The following TLK1 variants were observed in gnomAD, a reference collection of about 807,000 sequenced individuals.
The protein encoded by TLK1 is tousled like kinase 1.
In TLK1, 24 loss-of-function variants were observed where a neutral mutation model predicts 105.3. The observed-to-expected ratio is 0.23, with a 90% CI of 0.17 to 0.32. TLK1 has a LOEUF of 0.32. Ranked by LOEUF, TLK1 falls within the 10% of genes least tolerant of loss-of-function variation. The pLI is 1.00. For synonymous variants in TLK1, 321 were observed against 310.4 expected (o/e 1.03, Z -0.36); for missense variants, 558 against 910.5 (o/e 0.61, Z 4.98).
At chr2:171,194,237 C>G (rs1004348412) in intron 1 of TLK1, among the ~76,000 whole-genome samples, 1 of 152,156 alleles carries the variant, frequency 6.6e-6, no homozygotes, top group Non-Finnish European at 1.5e-5. Flanking sequence ...ATCAGGGTTT[C>G]TACATATAAT....
chr2:171,006,027 T>C, intron 18 of TLK1, 120 bp downstream of exon 18: 1 of 1,036,704 alleles, frequency 9.6e-7, no homozygotes, highest in South Asian at 2.8e-5. Flanking sequence ...GAGCTTAATA[T>C]CAGTACCTTT....
intron 3 of TLK1, among the ~76,000 whole-genome samples, chr2:171,076,810 A>C (rs1397269399): frequency 6.6e-6 from 1 of 151,768 alleles, no homozygotes; most frequent in Non-Finnish European, 1.5e-5. Context: ...GCTACTCAGG[A>C]GGCTGAGGCA....
intron 1 of TLK1, among the ~76,000 whole-genome samples, chr2:171,205,844 T>C (rs1327727945): frequency 6.6e-6 from 1 of 152,172 alleles, no homozygotes; most frequent in African/African-American, 2.4e-5. Context: ...CCTCTGTAAG[T>C]TTGGGATTGA....
At chr2:171,191,151 C>G (rs933095711) in intron 1 of TLK1, among the ~76,000 whole-genome samples, 8 of 145,284 alleles carry the variant, frequency 5.5e-5, no homozygotes, top group Non-Finnish European at 1.5e-5. Context: ...CACACTGAGA[C>G]TCCATCTTAA....
intron 3 of TLK1, chr2:171,066,907 G>C: frequency 2.6e-6 from 4 of 1,549,948 alleles, no homozygotes; most frequent in South Asian, 2.4e-5. Context: ...TGAAGGGTGG[G>C]GGTTGGGAAG....
In TLK1 at chr2:171,160,454, C is replaced by A. The variant is rs760762450; in HGVS notation, c.-26G>T. On this transcript the variant is annotated 5_prime_UTR_variant, in exon 1 of 21. The change creates a premature stop within an existing upstream ORF in the 5' untranslated region. Transcript: ENST00000431350. This position sits in a 1 kb window ranked among gnomAD's most constrained non-coding sequence, Gnocchi z 4.4. Reference sequence around the variant, plus strand: ...CAAGCTACTTTCTGGGAACCCGACTCCCCCCCTGCGACGGCAGCGGCGGCA... The same window carrying A: ...CAAGCTACTTTCTGGGAACCCGACTACCCCCCTGCGACGGCAGCGGCGGCA... 4 of 1,580,756 alleles carry A rather than the reference C, an allele frequency of 2.5e-6. No homozygotes were observed. In the South Asian group the frequency reaches 3.4e-5, roughly 14 times the overall value.
At position 171,143,506 on chromosome 2, in the gene TLK1, C is replaced by CAAAA. The variant is rs577555732; in HGVS notation, c.139+16780_139+16783dup. 1.6e-4 allele frequency among the ~76,000 whole-genome samples: 7 copies of CAAAA among 44,302 alleles called. 1 individual carries two copies. The highest frequency in any genetic ancestry group is 1.5e-3 in the East Asian group (2 of 1,302). The allele number at this position is 44,302 out of a possible 152,430, so 29.1% of individuals were successfully genotyped here. On this transcript the variant is annotated intron_variant, in intron 1 of 20. Transcript: ENST00000431350. Reference sequence around the variant, plus strand: ...GGGCAGAAGAGTGGGACTCTATCTCCAAAAAAAAAAAAAAAAAAAAAAAAA... The same window carrying CAAAA: ...GGGCAGAAGAGTGGGACTCTATCTCCAAAAAAAAAAAAAAAAAAAAAAAAAAAAA...
intron 1 of TLK1, among the ~76,000 whole-genome samples, chr2:171,203,678 A>G (rs1233595531): frequency 6.6e-6 from 1 of 152,250 alleles, no homozygotes; most frequent in Non-Finnish European, 1.5e-5. Context: ...TAATTTATAC[A>G]GAATATATCA....
intron 1 of TLK1, among the ~76,000 whole-genome samples, chr2:171,143,506 C>CAAAAAAAAAAAAAAAAA (rs577555732): frequency 4.5e-5 from 2 of 44,304 alleles, no homozygotes; most frequent in Admixed American, 3.9e-4. Context: ...ACTCTATCTC[C>CAAAAAAAAAAAAAAAAA]AAAAAAAAAA....
chr2:171,140,537 A>G (rs1372693115), intron 1 of TLK1, among the ~76,000 whole-genome samples: 2 of 152,316 alleles, frequency 1.3e-5, no homozygotes, highest in East Asian at 3.9e-4. Context: ...GCCTCCCCCA[A>G]ACTCTGGGTT....
At chr2:171,179,129 T>A (rs1436373761) in intron 1 of TLK1, among the ~76,000 whole-genome samples, 1 of 152,168 alleles carries the variant, frequency 6.6e-6, no homozygotes, top group East Asian at 1.9e-4. Flanking sequence ...TTACCAACTG[T>A]ATAGGGAAAT....
intron 12 of TLK1, among the ~76,000 whole-genome samples, chr2:171,021,320 G>A (rs1407832754): frequency 1.3e-5 from 2 of 151,954 alleles, no homozygotes; most frequent in South Asian, 2.1e-4. Flanking sequence ...TGAAATTAAC[G>A]TTCAACACTA....
chr2:171,026,375 C>T (rs896278810), intron 12 of TLK1, among the ~76,000 whole-genome samples: 2 of 152,048 alleles, frequency 1.3e-5, no homozygotes, highest in African/African-American at 4.8e-5. Context: ...AGCTTTAAAA[C>T]CAACCAACCA....
At chr2:170,997,657 A>G in intron 19 of TLK1, 55 bp downstream of exon 19, 1 of 1,227,358 alleles carries the variant, frequency 8.1e-7, no homozygotes, top group Admixed American at 2.4e-5. Context: ...TTAAGAAGGA[A>G]AAATTCAACT....
chr2:171,045,912 T>C, intron 11 of TLK1: 1 of 347,576 alleles, frequency 2.9e-6, no homozygotes, highest in Middle Eastern at 7.4e-4. Context: ...TCCTAACTGA[T>C]TCAGACACAG....
At chr2:171,045,877 G>A in intron 11 of TLK1, 1 of 266,792 alleles carries the variant, frequency 3.7e-6, no homozygotes, top group Non-Finnish European at 6.9e-6. Flanking sequence ...CGTTGAATTA[G>A]AATAATCCAA....
rs184678836 is a variant in TLK1, at chr2:171,012,050, G to A, written c.1335-596C>T. On this transcript the variant is annotated intron_variant, in intron 13 of 20. Coordinates refer to ENST00000431350, the MANE Select transcript of TLK1 (RefSeq NM_012290.5). ...TCCCTTATTGAAATACCTGGAACCA[G>A]AAGTGTTTCCGATTTGGGAGTTGTT... Among the ~76,000 whole-genome samples, 159 of 151,778 alleles carry A rather than the reference G, an allele frequency of 1.0e-3. 1 individual carries two copies. The highest frequency in any genetic ancestry group is 1.0e-3 in the Non-Finnish European group (69 of 67,944).
intron 20 of TLK1, among the ~76,000 whole-genome samples, chr2:170,996,237 G>A (rs1684055623): frequency 6.6e-6 from 1 of 151,118 alleles, no homozygotes; most frequent in East Asian, 1.9e-4. Context: ...GACCTCAGAT[G>A]ATCTGCCCGC....
intron 13 of TLK1, among the ~76,000 whole-genome samples, chr2:171,012,000 G>A (rs562178358): frequency 1.3e-5 from 2 of 151,268 alleles, no homozygotes; most frequent in South Asian, 2.1e-4. Context: ...AAAATTTACC[G>A]TACTTGCCAT....
Sources: allele counts gnomAD v4.1 joint callset (sites outside exome capture counted in the v4.1 genomes callset), GRCh38; gene constraint gnomAD v4.1.1; non-coding constraint Gnocchi (gnomAD v3.1); transcripts MANE v1.5; gene names NCBI Gene and HGNC (gene_info 2026-07-23, HGNC 2026-07-21).